Variants in PLXNA2 observed in about 807,000 individuals in gnomAD.
PLXNA2 encodes plexin A2.
Under a neutral mutation model 193.5 loss-of-function variants are expected in PLXNA2, and 91 were observed. That is an observed-to-expected ratio of 0.47 (90% CI 0.40 to 0.56). The LOEUF (loss-of-function observed/expected upper bound fraction) is 0.56. Ranked by LOEUF, PLXNA2 falls within the 20% of genes least tolerant of loss-of-function variation. The pLI is 0.00. For synonymous variants in PLXNA2, 997 were observed against 1,027.3 expected (o/e 0.97, Z 0.56); for missense variants, 1,995 against 2,503.2 (o/e 0.80, Z 4.33).
chr1:208,205,596 G>A (rs148517074), intron 3 of PLXNA2, among the ~76,000 whole-genome samples: 18 of 152,278 alleles, frequency 1.2e-4, no homozygotes, highest in Non-Finnish European at 1.9e-4. Context: ...TTCATCGCAC[G>A]CTTTGCTGAC....
chr1:208,128,273 G>C (rs534385476), intron 4 of PLXNA2, among the ~76,000 whole-genome samples: 54 of 152,312 alleles, frequency 3.5e-4, no homozygotes, highest in African/African-American at 1.3e-3. Context: ...GATGCAACTG[G>C]CAGATGACTT....
At chr1:208,215,184 C>T (rs184554929) in intron 2 of PLXNA2, among the ~76,000 whole-genome samples, 25 of 152,200 alleles carry the variant, frequency 1.6e-4, no homozygotes, top group African/African-American at 4.1e-4. Context: ...TTTGTAGAGA[C>T]GGAGTTTTGT....
chr1:208,237,456 G>A (rs72741265), intron 1 of PLXNA2, among the ~76,000 whole-genome samples: 2,026 of 152,292 alleles, frequency 0.013, 17 homozygotes, highest in Middle Eastern at 0.024. Flanking sequence ...AATTTACATA[G>A]AATACAACAC....
At position 208,038,599 on chromosome 1, in the gene PLXNA2, A is replaced by G; in HGVS notation, c.4661-125T>C. On this transcript the variant is annotated intron_variant, in intron 25 of 31. Transcript: ENST00000367033. This position sits in a 1 kb window ranked among gnomAD's most constrained non-coding sequence, Gnocchi z 4.1. ...CCCCTCAAGCTGGTACCAATAACAG[A>G]GGCTAGAGACATCTAGGGCTCCATG... 1 of 839,866 alleles carries G rather than the reference A, an allele frequency of 1.2e-6. No individual in the cohort carries two copies. The highest frequency in any genetic ancestry group is 2.0e-6 in the Non-Finnish European group (1 of 510,266). The allele number at this position is 839,866 out of a possible 1,614,324, so 52.0% of individuals were successfully genotyped here.
intron 12 of PLXNA2, among the ~76,000 whole-genome samples, chr1:208,061,957 C>A (rs974863856): frequency 3.3e-5 from 5 of 151,950 alleles, no homozygotes; most frequent in Non-Finnish European, 7.4e-5. Flanking sequence ...CGAATGAGAC[C>A]CAGAGAAGTC....
In PLXNA2 at chr1:208,033,309, G is replaced by A. The variant is rs763194019; in HGVS notation, c.5055+10C>T. The A allele has an allele frequency of 1.2e-6, 2 of 1,608,890 alleles. No homozygotes were observed. Among genetic ancestry groups the A allele is most frequent in the East Asian group, 2.2e-5 (1 of 44,838 alleles). ...CAAGCACTCCCTGGTCTGGGCAGAGGGGGAGTTACCTTGGTGGCCAGTAGC... is the reference window on the plus strand; with the variant it reads ...CAAGCACTCCCTGGTCTGGGCAGAGAGGGAGTTACCTTGGTGGCCAGTAGC... On this transcript the variant is annotated intron_variant, in intron 28 of 31. Coordinates refer to ENST00000367033, the MANE Select transcript of PLXNA2 (RefSeq NM_025179.4).
At chr1:208,157,133 G>A (rs574938196) in intron 3 of PLXNA2, among the ~76,000 whole-genome samples, 1 of 152,310 alleles carries the variant, frequency 6.6e-6, no homozygotes, top group East Asian at 1.9e-4. Context: ...CTGAAAAGTA[G>A]GGACACTGCC....
rs570953862 is a variant in PLXNA2 at position 208,057,284 on chromosome 1, A to T, written c.2739-2746T>A. Reference sequence around the variant, plus strand: ...GCTAAGTGACTTATCTATGGCCACAATTCTGGTAAGTGGCAGAGCCCTGAT... The same window carrying T: ...GCTAAGTGACTTATCTATGGCCACATTTCTGGTAAGTGGCAGAGCCCTGAT... On this transcript the variant is annotated intron_variant, in intron 13 of 31. Transcript: ENST00000367033. Among the ~76,000 whole-genome samples, 39 of 152,344 alleles carry T rather than the reference A, an allele frequency of 2.6e-4. 4 individuals are homozygous for T. The highest frequency in any genetic ancestry group is 8.9e-4 in the African/African-American group (37 of 41,578).
At position 208,038,695 on chromosome 1, in the gene PLXNA2, C is replaced by T. The variant is rs1028283405; in HGVS notation, c.4660+130G>A. On this transcript the variant is annotated intron_variant, in intron 25 of 31. Transcript: ENST00000367033. The surrounding 1 kb of genome is among the most constrained non-coding windows in gnomAD (Gnocchi z 4.1). ...ACATCTGAACAGGCAGCGCTCAAAG[C>T]GGGAAGCATTTCACACGGGCCTCAG... 2.5e-5 allele frequency: 25 copies of T among 1,006,384 alleles called. No homozygotes were observed. The highest frequency in any genetic ancestry group is 1.3e-4 in the African/African-American group (8 of 62,836). The allele number at this position is 1,006,384 out of a possible 1,614,324, so 62.3% of individuals were successfully genotyped here. A position where few individuals can be genotyped will look rare whatever the true frequency, so the allele number is the denominator to read the frequency against.
intron 13 of PLXNA2, among the ~76,000 whole-genome samples, chr1:208,055,266 G>T (rs1376111243): frequency 3.3e-5 from 5 of 152,204 alleles, no homozygotes; most frequent in African/African-American, 1.2e-4. Context: ...CTGGAGGGAA[G>T]AAGTGTGCAG....
chr1:208,029,057 AGAG>A lies in PLXNA2; in HGVS notation c.5226-18_5226-16del, dbSNP rs143197356. On this transcript the variant is annotated splice_polypyrimidine_tract_variant and intron_variant, in intron 29 of 31. Coordinates refer to ENST00000367033, the MANE Select transcript of PLXNA2 (RefSeq NM_025179.4). ...GCAGAGGGAGGCTGTGGGGAAAGGC[AGAG>A]AAGACTTGAGAATGCATGCGGGCCG... 1.5e-3 allele frequency: 2,416 copies of A among 1,613,954 alleles called. 3 individuals are homozygous for A. The highest frequency in any genetic ancestry group is 1.9e-3 in the Non-Finnish European group (2,279 of 1,179,870).
intron 4 of PLXNA2, among the ~76,000 whole-genome samples, chr1:208,120,574 G>A (rs981027025): frequency 6.6e-6 from 1 of 152,196 alleles, no homozygotes; most frequent in Admixed American, 6.5e-5. Context: ...TTTGAAAGAG[G>A]TGCCCCATCT....
chr1:208,085,616 T>C (rs1185587634), intron 9 of PLXNA2, among the ~76,000 whole-genome samples: 4 of 152,228 alleles, frequency 2.6e-5, no homozygotes, highest in African/African-American at 9.6e-5. Flanking sequence ...TTAAGAAGCC[T>C]TGTGCAATGC....
intron 17 of PLXNA2, among the ~76,000 whole-genome samples, chr1:208,047,759 A>T (rs769807916): frequency 6.6e-5 from 10 of 152,370 alleles, no homozygotes; most frequent in Non-Finnish European, 1.3e-4. Flanking sequence ...AATTGCAAAA[A>T]AAGCTGACAC....
intron 4 of PLXNA2, among the ~76,000 whole-genome samples, chr1:208,106,141 A>T (rs1352893815): frequency 2.0e-5 from 3 of 147,874 alleles, no homozygotes; most frequent in Non-Finnish European, 4.5e-5. Context: ...GCAGGGGTGG[A>T]GGGGGGGTGG....
intron 9 of PLXNA2, among the ~76,000 whole-genome samples, chr1:208,091,976 C>A (rs193263300): frequency 6.6e-6 from 1 of 152,128 alleles, no homozygotes; most frequent in East Asian, 1.9e-4. Flanking sequence ...TATATGCACA[C>A]GTGCATTTGG....
intron 1 of PLXNA2, among the ~76,000 whole-genome samples, chr1:208,231,594 T>G (rs1671694863): frequency 6.6e-6 from 1 of 152,172 alleles, no homozygotes; most frequent in African/African-American, 2.4e-5. Context: ...GTTCTGAGTG[T>G]GCAAGGGACC....
chr1:208,211,073 C>T (rs750112191), intron 2 of PLXNA2, among the ~76,000 whole-genome samples: 6 of 152,212 alleles, frequency 3.9e-5, no homozygotes, highest in Non-Finnish European at 5.9e-5. Flanking sequence ...ATAATGATAT[C>T]GAACAGTACC....
intron 4 of PLXNA2, among the ~76,000 whole-genome samples, chr1:208,128,566 C>A (rs1377068939): frequency 6.6e-6 from 1 of 152,142 alleles, no homozygotes; most frequent in African/African-American, 2.4e-5. Flanking sequence ...GAATACAATT[C>A]TAATTGCCTC....
Sources: gnomAD v4.1 joint callset for allele counts (sites outside exome capture counted in the v4.1 genomes callset) on GRCh38, gnomAD v4.1.1 for gene constraint, Gnocchi (gnomAD v3.1) non-coding constraint, MANE v1.5 for transcripts, NCBI Gene and HGNC (gene_info 2026-07-23, HGNC 2026-07-21) for gene names.